TRMT2B: variants seen among roughly 807,000 people sequenced by gnomAD.
The protein encoded by TRMT2B is tRNA methyltransferase 2B.
In TRMT2B, 34 loss-of-function variants were observed where a neutral mutation model predicts 39.7. The observed-to-expected ratio is 0.86, with a 90% CI of 0.65 to 1.14. The LOEUF (loss-of-function observed/expected upper bound fraction) is 1.14. Among genes scored for constraint, TRMT2B ranks in the 50% most tolerant of loss-of-function variants. The pLI, the probability that TRMT2B is intolerant of heterozygous loss-of-function variation, is 0.00. For missense variants in TRMT2B, 318 were observed against 377.2 expected (o/e 0.84, Z 1.30); for synonymous variants, 132 against 137.3 (o/e 0.96, Z 0.27).
chrX:101,002,645 G>A, the TRMT2B span, among the ~76,000 whole-genome samples: 1 of 110,245 alleles, frequency 9.1e-6, no homozygotes, highest in Middle Eastern at 4.6e-3. Context: ...TGGGCCTGGT[G>A]GCAGGTGCAT....
rs2086825750 is a variant in TRMT2B at position 101,021,968 on chromosome X, CT to C, written c.850del (p.Ser284ValfsTer3). 2 of 1,201,776 alleles carry C rather than the reference CT, an allele frequency of 1.7e-6. No individual in the cohort carries two copies. Among genetic ancestry groups the C allele is most frequent in the African/African-American group, 3.5e-5 (2 of 57,275 alleles). On this transcript the variant is annotated frameshift_variant and splice_region_variant, in exon 9 of 14. Transcript: ENST00000372936. LOFTEE classifies it high-confidence loss of function. ...GCCTATTTGGCTGTCCCAGGTTTAC[CT>C]TTCCTGGAAGTAAAGTGAGGTCAAG... ...CGLTSLYFQE[S>X]TMTRCSHQQS...
the TRMT2B span, among the ~76,000 whole-genome samples, chrX:101,002,484 A>G: frequency 8.9e-6 from 1 of 112,215 alleles, no homozygotes; most frequent in Non-Finnish European, 1.9e-5. Context: ...CATTTTTATA[A>G]AAGAGTGACA....
At chrX:100,989,982 C>T in the TRMT2B span, among the ~76,000 whole-genome samples, 1 of 112,399 alleles carries the variant, frequency 8.9e-6, no homozygotes, top group African/African-American at 3.2e-5. Flanking sequence ...AGATAACTAC[C>T]CCTAAATCTT....
chrX:101,046,551 C>T (rs1221166165), intron 2 of TRMT2B, among the ~76,000 whole-genome samples: 3 of 112,091 alleles, frequency 2.7e-5, no homozygotes, highest in Non-Finnish European at 5.6e-5. Context: ...TTCTCTCTGA[C>T]ATTCCTTTTT....
chrX:101,016,848 GC>G (rs1341780210), intron 13 of TRMT2B, among the ~76,000 whole-genome samples: 1 of 110,039 alleles, frequency 9.1e-6, no homozygotes, highest in Admixed American at 9.8e-5. Flanking sequence ...GGGCCACTGT[GC>G]CCAGAAATAT....
chrX:101,041,916 G>T, intron 3 of TRMT2B, 126 bp downstream of exon 3: 1 of 875,355 alleles, frequency 1.1e-6, no homozygotes, highest in Non-Finnish European at 1.6e-6. Flanking sequence ...TTTGCCCTGG[G>T]TATCCTACCT....
intron 2 of TRMT2B, among the ~76,000 whole-genome samples, chrX:101,046,914 G>A (rs1015168190): frequency 5.5e-5 from 6 of 108,697 alleles, no homozygotes; most frequent in African/African-American, 1.7e-4. Context: ...CAACAAGAGC[G>A]AAACTCCGTC....
chrX:101,038,394 A>G (rs1416705168), intron 4 of TRMT2B, among the ~76,000 whole-genome samples: 2 of 107,593 alleles, frequency 1.9e-5, no homozygotes, highest in Non-Finnish European at 3.8e-5. Context: ...AAAAAAAAAA[A>G]GAAATGAAAT....
At chrX:100,975,447 G>T in the TRMT2B span, among the ~76,000 whole-genome samples, 1 of 111,189 alleles carries the variant, frequency 9.0e-6, no homozygotes, top group East Asian at 2.8e-4. Context: ...ACATCATCAG[G>T]CAATTGCAAG....
chrX:101,049,749 C>T (rs764962344), intron 2 of TRMT2B, among the ~76,000 whole-genome samples: 3 of 103,075 alleles, frequency 2.9e-5, no homozygotes, highest in East Asian at 3.1e-4. Flanking sequence ...GAGATCATAC[C>T]ACTGCACTCC....
chrX:101,030,451 A>ATTTTTTTT (rs1248355991), intron 7 of TRMT2B, among the ~76,000 whole-genome samples: 1 of 46,566 alleles, frequency 2.1e-5, no homozygotes, highest in Non-Finnish European at 3.9e-5. Flanking sequence ...ATAGATCTGC[A>ATTTTTTTT]TTCTTTTTTT....
intron 7 of TRMT2B, among the ~76,000 whole-genome samples, chrX:101,027,595 C>A (rs1029756519): frequency 9.3e-6 from 1 of 107,550 alleles, no homozygotes; most frequent in Non-Finnish European, 1.9e-5. Flanking sequence ...TCTTCCTCTT[C>A]TTCCAAACCT....
chrX:101,037,900 G>C lies in TRMT2B; in HGVS notation c.438+17C>G, dbSNP rs779729297. The C allele has an allele frequency of 8.3e-6, 10 of 1,206,235 alleles. No individual in the cohort carries two copies. Among genetic ancestry groups the C allele is most frequent in the South Asian group, 7.1e-5 (4 of 56,291 alleles). ...AAGGGGCCTTAATAGATAAGGAATA[G>C]GGAGGTGGGGGCTTACAGAGGGTAT... On this transcript the variant is annotated intron_variant, in intron 5 of 13. Transcript: ENST00000372936.
chrX:101,035,616 C>T lies in TRMT2B; in HGVS notation c.606G>A (p.Ala202=), dbSNP rs754390663. The change falls in exon 7 of 14, where the codon GCG becomes GCA. Residue 202 remains alanine, a synonymous_variant. Coordinates refer to ENST00000372936, the MANE Select transcript of TRMT2B (RefSeq NM_024917.6). Reference sequence around the variant, plus strand: ...ACCAGCTCTTGTTCCATTTTACCTGCGCCACTTGACTGTGTTTCTCAGGGA... The same window carrying T: ...ACCAGCTCTTGTTCCATTTTACCTGTGCCACTTGACTGTGTTTCTCAGGGA... The part of the protein sequence containing the change: ...KNIPEKHSQV[A]QYYEVFLRQS... 31 of 1,207,819 alleles carry T rather than the reference C, an allele frequency of 2.6e-5. No homozygotes were observed. The highest frequency in any genetic ancestry group is 2.3e-4 in the South Asian group (13 of 56,726).
At chrX:101,021,002 C>G in intron 10 of TRMT2B, 99 bp downstream of exon 10, 2 of 763,301 alleles carry the variant, frequency 2.6e-6, no homozygotes, top group Non-Finnish European at 4.0e-6. Flanking sequence ...CAAGGTTATA[C>G]CTGCACCACT....
intron 9 of TRMT2B, 32 bp from the exon 10 acceptor site, chrX:101,021,347 A>C (rs2086792618): frequency 8.6e-7 from 1 of 1,159,307 alleles, no homozygotes; most frequent in Non-Finnish European, 1.2e-6. Flanking sequence ...AAGCATCTTG[A>C]GCTGTGAGCG....
At chrX:100,975,991 C>T in the TRMT2B span, among the ~76,000 whole-genome samples, 1 of 111,640 alleles carries the variant, frequency 9.0e-6, no homozygotes, top group Non-Finnish European at 1.9e-5. Flanking sequence ...CCAAGCCTCA[C>T]ATTTTAGCCA....
chrX:100,997,517 G>T, the TRMT2B span, among the ~76,000 whole-genome samples: 1 of 111,477 alleles, frequency 9.0e-6, no homozygotes, highest in South Asian at 3.7e-4. Context: ...TTATAGATTG[G>T]TTAGTTTACA....
At chrX:101,045,209 C>T (rs994871293) in intron 2 of TRMT2B, among the ~76,000 whole-genome samples, 14 of 109,955 alleles carry the variant, frequency 1.3e-4, no homozygotes, top group African/African-American at 4.6e-4. Flanking sequence ...AATCCCAGCA[C>T]TTTGGGAGGC....
Sources: gnomAD v4.1 joint callset for allele counts (sites outside exome capture counted in the v4.1 genomes callset) on GRCh38, gnomAD v4.1.1 for gene constraint, MANE v1.5 for transcripts, NCBI Gene and HGNC (gene_info 2026-07-23, HGNC 2026-07-21) for gene names.